The following DTX3 variants were observed in gnomAD, a reference collection of about 807,000 sequenced individuals.
DTX3 encodes the protein E3 ubiquitin-protein ligase DTX3.
Under a neutral mutation model 27.4 loss-of-function variants are expected in DTX3, and 10 were observed. The observed-to-expected ratio is 0.36, with a 90% CI of 0.22 to 0.62. The LOEUF is 0.62. Among genes scored for constraint, DTX3 ranks in the 20% least tolerant of loss-of-function variants. The pLI is 0.68. For synonymous variants in DTX3, 171 were observed against 190.7 expected (o/e 0.90, Z 0.85); for missense variants, 319 against 463.8 (o/e 0.69, Z 2.87).
At position 57,607,053 on chromosome 12, in the gene DTX3, C is replaced by G. The variant is rs1205107396; in HGVS notation, c.190C>G (p.Pro64Ala). Residue 64 changes from proline to alanine, a missense_variant, in exon 5 of 7, where the codon CCA (proline) becomes GCA (alanine). By Grantham distance (27) the Pro-to-Ala change is conservative. Transcript: ENST00000337737. The surrounding 1 kb of genome is among the most constrained non-coding windows in gnomAD (Gnocchi z 7.7). ...TGACATCTATGTTCTCCAGCTTTCC[C>G]CACAGGGTCCTCCCCCGGCCCCTCC... ...TSDIYVLQLSPQGPPPAPPNG... is the reference protein window; with the variant it reads ...TSDIYVLQLSAQGPPPAPPNG... 3.7e-6 allele frequency: 6 copies of G among 1,614,106 alleles called. No individual in the cohort carries two copies. The highest frequency in any genetic ancestry group is 5.1e-6 in the Non-Finnish European group (6 of 1,180,044).
At position 57,606,477 on chromosome 12, in the gene DTX3, A is replaced by G. The variant is rs1290744561; in HGVS notation, c.-41A>G. On this transcript the variant is annotated 5_prime_UTR_variant, in exon 4 of 7. Coordinates refer to ENST00000337737, the MANE Select transcript of DTX3 (RefSeq NM_178502.4). ...CCTACAAGTAGGGAGCAGGGAAAGAAGAGTGAGCCTGCATGCCAATTCTAA... is the reference window on the plus strand; with the variant it reads ...CCTACAAGTAGGGAGCAGGGAAAGAGGAGTGAGCCTGCATGCCAATTCTAA... 1 of 1,613,916 alleles carries G rather than the reference A, an allele frequency of 6.2e-7. No homozygotes were observed. Among genetic ancestry groups the G allele is most frequent in the African/African-American group, 1.3e-5 (1 of 75,056 alleles).
At position 57,608,894 on chromosome 12, in the gene DTX3, C is replaced by T. The variant is rs142972219; in HGVS notation, c.968+157C>T. Reference sequence around the variant, plus strand: ...AGTTTCTCCTACATTCAACCTGGTCCTGGTGTGCCCAGCTTAGCCTACAAA... The same window carrying T: ...AGTTTCTCCTACATTCAACCTGGTCTTGGTGTGCCCAGCTTAGCCTACAAA... On this transcript the variant is annotated intron_variant, in intron 6 of 6. Transcript: ENST00000337737. This position sits in a 1 kb window ranked among gnomAD's most constrained non-coding sequence, Gnocchi z 6.1. 32 of 1,082,222 alleles carry T rather than the reference C, an allele frequency of 3.0e-5. No individual in the cohort carries two copies. The African/African-American group carries it at 4.4e-4, about 15-fold the overall frequency. 67.0% of individuals were successfully genotyped at this position (1,082,222 alleles called of 1,614,324 possible).
rs1160159966 is a variant in DTX3, at chr12:57,607,888, A to T, written c.750+275A>T. ...GGAATTGCATATTATTTCCTTGATG[A>T]ACACAAATACTGTGCTGACATCTTG... On this transcript the variant is annotated intron_variant, in intron 5 of 6. Transcript: ENST00000337737. The surrounding 1 kb of genome is among the most constrained non-coding windows in gnomAD (Gnocchi z 7.7). Among the ~76,000 whole-genome samples, 1 of 152,200 alleles carries T rather than the reference A, an allele frequency of 6.6e-6. No individual in the cohort carries two copies. The highest frequency in any genetic ancestry group is 6.5e-5 in the Admixed American group (1 of 15,290).
chr12:57,609,236 C>G lies in DTX3; in HGVS notation c.*84C>G, dbSNP rs1883906471. The G allele has an allele frequency of 7.9e-7, 1 of 1,267,926 alleles. No individual in the cohort carries two copies. The highest frequency in any genetic ancestry group is 1.1e-6 in the Non-Finnish European group (1 of 878,810). The allele number at this position is 1,267,926 out of a possible 1,614,324, so 78.5% of individuals were successfully genotyped here. On this transcript the variant is annotated 3_prime_UTR_variant, in exon 7 of 7. Coordinates refer to ENST00000337737, the MANE Select transcript of DTX3 (RefSeq NM_178502.4). ...CTCTTTCTCCTCTCTGCCCCCTGCCCCCCACACCACACCTGTAGGGGACCT... is the reference window on the plus strand; with the variant it reads ...CTCTTTCTCCTCTCTGCCCCCTGCCGCCCACACCACACCTGTAGGGGACCT...
chr12:57,608,700 A>G lies in DTX3; in HGVS notation c.931A>G (p.Ile311Val). Reference sequence around the variant, plus strand: ...ACCGAATGTCATCACCTGGAACGACATCCACCACAAGACCAGCTGCACAGG... The same window carrying G: ...ACCGAATGTCATCACCTGGAACGACGTCCACCACAAGACCAGCTGCACAGG... ...GRPNVITWND[I>V]HHKTSCTGGP... Residue 311 changes from isoleucine to valine, a missense_variant, in exon 6 of 7, where the codon ATC becomes GTC. Around this residue, in one of 2 missense-constraint regions of DTX3, gnomAD observed 117 missense variants for 258.5 expected, o/e 0.45. Transcript: ENST00000337737. This position sits in a 1 kb window ranked among gnomAD's most constrained non-coding sequence, Gnocchi z 6.1. 1 of 1,614,134 alleles carries G rather than the reference A, an allele frequency of 6.2e-7. No individual in the cohort carries two copies. Among genetic ancestry groups the G allele is most frequent in the Non-Finnish European group, 8.5e-7 (1 of 1,180,020 alleles).
At chr12:57,606,624 G>A in intron 4 of DTX3, 106 bp downstream of exon 4, 1 of 1,495,824 alleles carries the variant, frequency 6.7e-7, no homozygotes, top group Non-Finnish European at 9.2e-7. Context: ...AGAAATGACA[G>A]GAGAAACAAG....
rs750365437 is a variant in DTX3 at position 57,609,108 on chromosome 12, C to A, written c.1000C>A (p.Arg334=). ...FGYPDPTYLT[R]VQEELRAKGI... ...GTACCCAGACCCCACCTACCTGACC[C>A]GGGTGCAAGAGGAGCTGAGAGCGAA... The change falls in exon 7 of 7, where the codon CGG becomes AGG. Residue 334 remains arginine (R), a synonymous_variant. Coordinates refer to ENST00000337737, the MANE Select transcript of DTX3 (RefSeq NM_178502.4). 1.2e-6 allele frequency: 2 copies of A among 1,614,150 alleles called. No individual in the cohort carries two copies. Among genetic ancestry groups the A allele is most frequent in the South Asian group, 2.2e-5 (2 of 91,078 alleles).
rs542924098 is a variant in DTX3 at position 57,606,210 on chromosome 12, A to G, written c.-118A>G. On this transcript the variant is annotated 5_prime_UTR_variant, in exon 3 of 7. Coordinates refer to ENST00000337737, the MANE Select transcript of DTX3 (RefSeq NM_178502.4). ...CCCAGTCCTGGTCAGCTGAGTGGAA[A>G]TAGAAGGATTTCTGCTGCCATCATC... The G allele has an allele frequency of 7.4e-6, 3 of 403,714 alleles. No individual in the cohort carries two copies. In the South Asian group the frequency reaches 1.2e-4, roughly 16 times the overall value. The allele number at this position is 403,714 out of a possible 1,614,324, so 25.0% of individuals were successfully genotyped here. A position where few individuals can be genotyped will look rare whatever the true frequency, so the allele number is the denominator to read the frequency against.
In DTX3 at chr12:57,608,997, C is replaced by T; in HGVS notation, c.969-80C>T. 1 of 1,375,582 alleles carries T rather than the reference C, an allele frequency of 7.3e-7. No homozygotes were observed. Among genetic ancestry groups the T allele is most frequent in the African/African-American group, 1.4e-5 (1 of 70,062 alleles). 85.2% of individuals were successfully genotyped at this position (1,375,582 alleles called of 1,614,324 possible). On this transcript the variant is annotated intron_variant, in intron 6 of 6. Coordinates refer to ENST00000337737, the MANE Select transcript of DTX3 (RefSeq NM_178502.4). This position sits in a 1 kb window ranked among gnomAD's most constrained non-coding sequence, Gnocchi z 6.1. ...GGGAGGTGGGGAGGTGTCTGAGCCA[C>T]CTAGAATGAGGGTGAGCATGGGGAT...
In DTX3 at chr12:57,609,672, C is replaced by T. The variant is rs1407437553; in HGVS notation, c.*520C>T. The T allele has an allele frequency of 1.8e-5, 3 of 166,496 alleles. No individual in the cohort carries two copies. The allele number at this position is 166,496 out of a possible 1,614,324, so 10.3% of individuals were successfully genotyped here. Reference sequence around the variant, plus strand: ...TAACCTTGTCCTTTCTCTCCTGTGTCTCAGTCTCCGTCAGTCTGTCTTTCT... The same window carrying T: ...TAACCTTGTCCTTTCTCTCCTGTGTTTCAGTCTCCGTCAGTCTGTCTTTCT... On this transcript the variant is annotated 3_prime_UTR_variant, in exon 7 of 7. Transcript: ENST00000337737.
Position 57,607,261 on chromosome 12 carries a change from C to A in DTX3, c.398C>A (p.Pro133Gln), listed in dbSNP as rs748915099. 4 of 1,591,704 alleles carry A rather than the reference C, an allele frequency of 2.5e-6. No homozygotes were observed. The highest frequency in any genetic ancestry group is 3.4e-6 in the Non-Finnish European group (4 of 1,169,884). Residue 133 changes from proline (P) to glutamine (Q), a missense_variant, in exon 5 of 7, where the codon CCA becomes CAA. Coordinates refer to ENST00000337737, the MANE Select transcript of DTX3 (RefSeq NM_178502.4). This position sits in a 1 kb window ranked among gnomAD's most constrained non-coding sequence, Gnocchi z 7.7. The part of the protein sequence containing the change: ...PPLRAAPLLP[P>Q]GARGLPPPPP... ...CTCCGAGCAGCCCCACTTCTGCCCCCAGGAGCTCGGGGGCTCCCCCCTCCT... is the reference window on the plus strand; with the variant it reads ...CTCCGAGCAGCCCCACTTCTGCCCCAAGGAGCTCGGGGGCTCCCCCCTCCT...
At position 57,607,096 on chromosome 12, in the gene DTX3, C is replaced by T; in HGVS notation, c.233C>T (p.Ala78Val). 1 of 1,614,214 alleles carries T rather than the reference C, an allele frequency of 6.2e-7. No individual in the cohort carries two copies. Among genetic ancestry groups the T allele is most frequent in the East Asian group, 2.2e-5 (1 of 44,878 alleles). The change falls in exon 5 of 7, where the codon GCC (alanine) becomes GTC (valine). Residue 78 changes from alanine to valine, a missense_variant. By Grantham distance (64) the Ala-to-Val change is moderately conservative. Transcript: ENST00000337737. The surrounding 1 kb of genome is among the most constrained non-coding windows in gnomAD (Gnocchi z 7.7). ...GCCCCTCCAAATGGGCTCTACCTAG[C>T]CCGGAAGGCTCTCAAGGGGCTGCTA... ...PPAPPNGLYL[A>V]RKALKGLLKE... is the part of the protein sequence containing the mutation.
Position 57,609,407 on chromosome 12 carries a change from T to C in DTX3, c.*255T>C, listed in dbSNP as rs1244057256. 6.0e-6 allele frequency: 3 copies of C among 501,762 alleles called. No homozygotes were observed. Among genetic ancestry groups the C allele is most frequent in the Admixed American group, 3.3e-5 (1 of 30,758 alleles). The allele number at this position is 501,762 out of a possible 1,614,324, so 31.1% of individuals were successfully genotyped here. ...CTGTTCTCCCCTCCCCGTGTACATA[T>C]ACTCCCGGTTTCCCTGCCCCTCCAT... On this transcript the variant is annotated 3_prime_UTR_variant, in exon 7 of 7. Transcript: ENST00000337737.
chr12:57,609,050 C>T (rs1341945462), intron 6 of DTX3, 27 bp from the exon 7 acceptor site: 3 of 1,607,902 alleles, frequency 1.9e-6, no homozygotes, highest in African/African-American at 2.7e-5. Flanking sequence ...GCTAACAACC[C>T]TCACCCTCAT....
In DTX3 at chr12:57,606,880, C is replaced by A; in HGVS notation, c.17C>A (p.Ser6Tyr). Residue 6 changes from serine to tyrosine, a missense_variant, in exon 5 of 7, where the codon TCC becomes TAC. This residue lies in a region of DTX3 where 202 missense variants were observed against 205.3 expected (regional missense o/e 0.98). Transcript: ENST00000337737. Reference protein sequence around the residue: MSFVLSRMAACGGTCK... With the variant: MSFVLYRMAACGGTCK... ...CTGGGGGCAGTGTCGTTCGTCCTGT[C>A]CAGAATGGCAGCCTGTGGAGGCACC... The A allele has an allele frequency of 6.2e-7, 1 of 1,612,690 alleles. No individual in the cohort carries two copies. Among genetic ancestry groups the A allele is most frequent in the South Asian group, 1.1e-5 (1 of 90,826 alleles).
chr12:57,607,035 T>C lies in DTX3; in HGVS notation c.172T>C (p.Tyr58His), dbSNP rs1183513865. ...ILIDGETSDI[Y>H]VLQLSPQGPP... ...CATAGATGGCGAGACTTCTGACATCTATGTTCTCCAGCTTTCCCCACAGGG... is the reference window on the plus strand; with the variant it reads ...CATAGATGGCGAGACTTCTGACATCCATGTTCTCCAGCTTTCCCCACAGGG... Residue 58 changes from tyrosine to histidine, a missense_variant, in exon 5 of 7, where the codon TAT becomes CAT. This residue lies in a region of DTX3 where 202 missense variants were observed against 205.3 expected (regional missense o/e 0.98). Coordinates refer to ENST00000337737, the MANE Select transcript of DTX3 (RefSeq NM_178502.4). This position sits in a 1 kb window ranked among gnomAD's most constrained non-coding sequence, Gnocchi z 7.7. The C allele has an allele frequency of 6.2e-7, 1 of 1,614,058 alleles. No individual in the cohort carries two copies. The highest frequency in any genetic ancestry group is 1.3e-5 in the African/African-American group (1 of 74,926).
chr12:57,607,464 A>G lies in DTX3; in HGVS notation c.601A>G (p.Met201Val). 1.2e-6 allele frequency: 2 copies of G among 1,614,134 alleles called. No individual in the cohort carries two copies. Among genetic ancestry groups the G allele is most frequent in the African/African-American group, 2.7e-5 (2 of 75,034 alleles). ...TCTGCAGGTGAAAAAGGCCTGCCCC[A>G]TGTGCGGCCGCTTCTATGGGCAGCT... ...RALQVKKACP[M>V]CGRFYGQLVG... is the part of the protein sequence containing the mutation. The change falls in exon 5 of 7, where the codon ATG (methionine) becomes GTG (valine). Residue 201 changes from methionine to valine, a missense_variant. Coordinates refer to ENST00000337737, the MANE Select transcript of DTX3 (RefSeq NM_178502.4). This position sits in a 1 kb window ranked among gnomAD's most constrained non-coding sequence, Gnocchi z 7.7.
In DTX3 at chr12:57,607,604, T is replaced by C; in HGVS notation, c.741T>C (p.Gly247=). 6.2e-7 allele frequency: 1 copy of C among 1,614,082 alleles called. No individual in the cohort carries two copies. The highest frequency in any genetic ancestry group is 8.5e-7 in the Non-Finnish European group (1 of 1,180,016). The part of the protein sequence containing the change: ...TIVIQYVFPP[G]VQGAEHPNPG... ...TCATCCAGTACGTCTTCCCGCCCGG[T>C]GTCCAGGGGGTAAGAAGACCATGGC... The change falls in exon 5 of 7, where the codon GGT becomes GGC. Residue 247 remains glycine, a synonymous_variant. Transcript: ENST00000337737. The surrounding 1 kb of genome is among the most constrained non-coding windows in gnomAD (Gnocchi z 7.7).
chr12:57,609,678 C>G lies in DTX3; in HGVS notation c.*526C>G, dbSNP rs1340632121. ...TGTCCTTTCTCTCCTGTGTCTCAGT[C>G]TCCGTCAGTCTGTCTTTCTCCGCTC... On this transcript the variant is annotated 3_prime_UTR_variant, in exon 7 of 7. Transcript: ENST00000337737. 1 of 165,056 alleles carries G rather than the reference C, an allele frequency of 6.1e-6. No individual in the cohort carries two copies. Among genetic ancestry groups the G allele is most frequent in the African/African-American group, 2.4e-5 (1 of 41,744 alleles). 10.2% of individuals were successfully genotyped at this position (165,056 alleles called of 1,614,324 possible).
Sources: allele counts gnomAD v4.1 joint callset (sites outside exome capture counted in the v4.1 genomes callset), GRCh38; gene constraint gnomAD v4.1.1; regional missense constraint gnomAD v4.1.1; non-coding constraint Gnocchi (gnomAD v3.1); transcripts MANE v1.5; gene names NCBI Gene and HGNC (gene_info 2026-07-23, HGNC 2026-07-21).